IDH3B: variants seen among roughly 807,000 people sequenced by gnomAD.
The protein encoded by IDH3B is isocitrate dehydrogenase [NAD] subunit beta, mitochondrial.
In IDH3B, 40 loss-of-function variants were observed where a neutral mutation model predicts 47.5. The ratio of observed to expected loss-of-function variants is 0.84; its 90% CI spans 0.65 to 1.10. The LOEUF (loss-of-function observed/expected upper bound fraction) is 1.10, where lower values mean the gene tolerates loss of function less well. Ranked by LOEUF, IDH3B falls within the 50% of genes least tolerant of loss-of-function variation. The pLI, the probability that IDH3B is intolerant of heterozygous loss-of-function variation, is 0.00. For synonymous variants in IDH3B, 185 were observed against 191.0 expected (o/e 0.97, Z 0.26); for missense variants, 450 against 505.2 (o/e 0.89, Z 1.05).
intron 4 of IDH3B, among the ~76,000 whole-genome samples, chr20:2,662,687 G>T (rs188568985): frequency 1.3e-5 from 2 of 152,140 alleles, no homozygotes; most frequent in East Asian, 1.9e-4. Context: ...GGGCATGGTG[G>T]CTCACACTTG....
chr20:2,663,524 C>G lies in IDH3B; in HGVS notation c.259G>C (p.Glu87Gln). 1 of 1,614,222 alleles carries G rather than the reference C, an allele frequency of 6.2e-7. No individual in the cohort carries two copies. The highest frequency in any genetic ancestry group is 1.1e-5 in the South Asian group (1 of 91,086). ...TCCTCAGATGCCATATTCTGCACCT[C>G]ACTCAGGTGGTGCTCCTGGAACTCC... ...PVEFQEHHLS[E>Q]VQNMASEEKL... is the part of the protein sequence containing the mutation. The change falls in exon 4 of 12, where the codon GAG becomes CAG. Residue 87 changes from glutamate to glutamine, a missense_variant. Physicochemically the swap from Glu to Gln is conservative, Grantham distance 29. Transcript: ENST00000380843.
chr20:2,663,999 C>T lies in IDH3B; in HGVS notation c.43G>A (p.Val15Ile). 1 of 1,614,152 alleles carries T rather than the reference C, an allele frequency of 6.2e-7. No homozygotes were observed. The highest frequency in any genetic ancestry group is 1.3e-5 in the African/African-American group (1 of 75,060). The part of the protein sequence containing the change: ...SGVRWLTRAL[V>I]SAGNPGAWRG... The stretch of plus-strand genomic sequence containing the variant: ...CATGCCCCAGGGTTCCCGGCGGAGA[C>T]CAGCGCCTGCAACAGGGACACACAA... Residue 15 changes from valine (V) to isoleucine (I), a missense_variant, in exon 2 of 12, where the codon GTC (valine) becomes ATC (isoleucine). Val to Ile is a conservative substitution (Grantham distance 29). Transcript: ENST00000380843.
rs760911554 is a variant in IDH3B at position 2,663,445 on chromosome 20, C to A, written c.337+1G>T. On this transcript the variant is annotated splice_donor_variant, in intron 4 of 11. Transcript: ENST00000380843. LOFTEE classifies it high-confidence loss of function. Reference sequence around the variant, plus strand: ...GACAAGTGGCAAGAGGGCACACATACCAATGATGGCCACTTTGTTCTCCTT... The same window carrying A: ...GACAAGTGGCAAGAGGGCACACATAACAATGATGGCCACTTTGTTCTCCTT... 2.5e-6 allele frequency: 4 copies of A among 1,614,174 alleles called. No individual in the cohort carries two copies. In the South Asian group the frequency reaches 4.4e-5, roughly 18 times the overall value.
Position 2,663,970 on chromosome 20 carries a change from T to C in IDH3B, c.72A>G (p.Arg24=). Residue 24 remains arginine (R), a synonymous_variant, in exon 2 of 12, where the codon AGA becomes AGG. Transcript: ENST00000380843. Reference sequence around the variant, plus strand: ...GCGCCGCGGCCGAGGTACTCAGACCTCTCCATGCCCCAGGGTTCCCGGCGG... The same window carrying C: ...GCGCCGCGGCCGAGGTACTCAGACCCCTCCATGCCCCAGGGTTCCCGGCGG... ...LVSAGNPGAW[R]GLSTSAAAHA... 1.2e-6 allele frequency: 2 copies of C among 1,614,048 alleles called. No homozygotes were observed. Among genetic ancestry groups the C allele is most frequent in the Non-Finnish European group, 1.7e-6 (2 of 1,180,002 alleles).
Position 2,660,637 on chromosome 20 carries a change from A to G in IDH3B, c.532-47T>C, listed in dbSNP as rs377212314. The G allele has an allele frequency of 6.2e-7, 1 of 1,613,974 alleles. No homozygotes were observed. Among genetic ancestry groups the G allele is most frequent in the Non-Finnish European group, 8.5e-7 (1 of 1,180,010 alleles). Reference sequence around the variant, plus strand: ...GCTAGGTGACACTGGGAAGGGAAACAAGGAGCTCCACCTCTCTCCCATCTT... The same window carrying G: ...GCTAGGTGACACTGGGAAGGGAAACGAGGAGCTCCACCTCTCTCCCATCTT... On this transcript the variant is annotated intron_variant, in intron 6 of 11. Coordinates refer to ENST00000380843, the MANE Select transcript of IDH3B (RefSeq NM_006899.5). This position sits in a 1 kb window ranked among gnomAD's most constrained non-coding sequence, Gnocchi z 5.6.
In IDH3B at chr20:2,658,485, T is replaced by C; in HGVS notation, c.*266A>G. 2.5e-6 allele frequency: 4 copies of C among 1,614,022 alleles called. No individual in the cohort carries two copies. The highest frequency in any genetic ancestry group is 2.2e-5 in the East Asian group (1 of 44,886). ...AGCAATGACAGCCTCAGTGAAGTCA[T>C]GGCAAGTAGCATAGCCACCCATGTC... On this transcript the variant is annotated 3_prime_UTR_variant, in exon 12 of 12. Transcript: ENST00000380843.
At chr20:2,659,826 G>A in intron 9 of IDH3B, 33 bp from the exon 10 acceptor site, 2 of 1,535,956 alleles carry the variant, frequency 1.3e-6, no homozygotes, top group Non-Finnish European at 1.8e-6. Flanking sequence ...GACACTGGGA[G>A]GAGGCAGGAG....
chr20:2,658,522 C>A lies in IDH3B; in HGVS notation c.*229G>T, dbSNP rs1028133574. The A allele has an allele frequency of 6.2e-7, 1 of 1,613,904 alleles. No homozygotes were observed. ...TAGCCACCCATGTCAGAGGTTCGAA[C>A]CTGTGGGGGAGAATCATCATCATCC... is the stretch of plus-strand genomic sequence containing the variant. On this transcript the variant is annotated 3_prime_UTR_variant, in exon 12 of 12. Coordinates refer to ENST00000380843, the MANE Select transcript of IDH3B (RefSeq NM_006899.5).
Position 2,660,319 on chromosome 20 carries a change from C to G in IDH3B, c.712G>C (p.Glu238Gln). The change falls in exon 8 of 12, where the codon GAA becomes CAA. Residue 238 changes from glutamate to glutamine, a missense_variant. Glu to Gln is a conservative substitution (Grantham distance 29). Coordinates refer to ENST00000380843, the MANE Select transcript of IDH3B (RefSeq NM_006899.5). This position sits in a 1 kb window ranked among gnomAD's most constrained non-coding sequence, Gnocchi z 5.6. Reference protein sequence around the residue: ...LFLQCCEEVAELYPKIKFETM... With the variant: ...LFLQCCEEVAQLYPKIKFETM... ...TCAAATTTGATTTTGGGGTACAGTTCAGCAACTTCCTCACAGCACTGCAGG... is the reference window on the plus strand; with the variant it reads ...TCAAATTTGATTTTGGGGTACAGTTGAGCAACTTCCTCACAGCACTGCAGG... 6.2e-7 allele frequency: 1 copy of G among 1,614,114 alleles called. No individual in the cohort carries two copies. Among genetic ancestry groups the G allele is most frequent in the Non-Finnish European group, 8.5e-7 (1 of 1,179,992 alleles).
In IDH3B at chr20:2,660,697, C is replaced by T; in HGVS notation, c.531G>A (p.Glu177=). Residue 177 remains glutamate (E), a splice_region_variant and synonymous_variant, in exon 6 of 12, where the codon GAG becomes GAA. Coordinates refer to ENST00000380843, the MANE Select transcript of IDH3B (RefSeq NM_006899.5). The surrounding 1 kb of genome is among the most constrained non-coding windows in gnomAD (Gnocchi z 5.6). ...TEGEYSSLEH[E]SARGVIECLK... ...CCTCCCCCAGTTTCTGGGGCCTCACCTCATGTTCCAGAGAGCTGTACTCCC... is the reference window on the plus strand; with the variant it reads ...CCTCCCCCAGTTTCTGGGGCCTCACTTCATGTTCCAGAGAGCTGTACTCCC... 1.2e-6 allele frequency: 2 copies of T among 1,614,218 alleles called. No individual in the cohort carries two copies. Among genetic ancestry groups the T allele is most frequent in the Non-Finnish European group, 8.5e-7 (1 of 1,180,038 alleles).
rs1239104000 is a variant in IDH3B, at chr20:2,660,038, A to C, written c.907T>G (p.Phe303Val). The C allele has an allele frequency of 6.2e-7, 1 of 1,614,024 alleles. No homozygotes were observed. Residue 303 changes from phenylalanine (F) to valine (V), a missense_variant, in exon 9 of 12, where the codon TTT (phenylalanine) becomes GTT (valine). Phe to Val is a conservative substitution (Grantham distance 50, BLOSUM62 -1). Coordinates refer to ENST00000380843, the MANE Select transcript of IDH3B (RefSeq NM_006899.5). The surrounding 1 kb of genome is among the most constrained non-coding windows in gnomAD (Gnocchi z 5.6). ...GESYSAEYAV[F>V]ETGARHPFAQ... ...GGAGAAAGCAGCCTCACCGTCTCAA[A>C]GACTGCGTATTCTGCACTATAGCTC...
rs1485554142 is a variant in IDH3B, at chr20:2,663,475, G to T, written c.308C>A (p.Ser103Tyr). Residue 103 changes from serine to tyrosine, a missense_variant, in exon 4 of 12, where the codon TCC becomes TAC. Transcript: ENST00000380843. ...GATGGCCACTTTGTTCTCCTTCATG[G>T]AACTCAGCACCTGCTCCAGCTTCTC... ...SEEKLEQVLS[S>Y]MKENKVAIIG... 7.4e-6 allele frequency: 12 copies of T among 1,614,212 alleles called. No individual in the cohort carries two copies. Among genetic ancestry groups the T allele is most frequent in the Non-Finnish European group, 1.0e-5 (12 of 1,180,032 alleles).
In IDH3B at chr20:2,659,676, G is replaced by A. The variant is rs373229620; in HGVS notation, c.1010+23C>T. On this transcript the variant is annotated intron_variant, in intron 10 of 11. Transcript: ENST00000380843. ...CTCCTCCTCACGACACCCAACCTCT[G>A]CCGACAGCCTCCCATGACCTACTTA... The A allele has an allele frequency of 5.6e-6, 9 of 1,611,432 alleles. No individual in the cohort carries two copies. The African/African-American group carries it at 8.0e-5, about 14-fold the overall frequency.
At chr20:2,659,848 G>T in intron 9 of IDH3B, 55 bp from the exon 10 acceptor site, 1 of 1,477,258 alleles carries the variant, frequency 6.8e-7, no homozygotes, top group Non-Finnish European at 9.5e-7. Flanking sequence ...GGTATGCAGA[G>T]GCTTAGGTTG....
At chr20:2,662,760 C>G (rs888936647) in intron 4 of IDH3B, among the ~76,000 whole-genome samples, 3 of 152,180 alleles carry the variant, frequency 2.0e-5, no homozygotes, top group Admixed American at 2.0e-4. Flanking sequence ...CGAGACCAGC[C>G]TGACCAACAT....
At chr20:2,659,500 G>T in intron 11 of IDH3B, 25 bp downstream of exon 11, 1 of 1,611,688 alleles carries the variant, frequency 6.2e-7, no homozygotes, top group Non-Finnish European at 8.5e-7. Context: ...AAATCCTGAA[G>T]CCAGCACTAC....
In IDH3B at chr20:2,660,915, C is replaced by G; in HGVS notation, c.392G>C (p.Arg131Pro). Residue 131 changes from arginine to proline, a missense_variant, in exon 5 of 12, where the codon CGG becomes CCG. Transcript: ENST00000380843. This position sits in a 1 kb window ranked among gnomAD's most constrained non-coding sequence, Gnocchi z 5.6. ...CCCCACCCAGACCACCTACCTCAGC[C>G]GCATATCATAGGAGGCTAGCTCCCC... ...YKGELASYDM[R>P]LRRKLDLFAN... is the part of the protein sequence containing the mutation. 1 of 1,614,120 alleles carries G rather than the reference C, an allele frequency of 6.2e-7. No homozygotes were observed. Among genetic ancestry groups the G allele is most frequent in the Non-Finnish European group, 8.5e-7 (1 of 1,180,020 alleles).
At position 2,658,659 on chromosome 20, in the gene IDH3B, ACTG is replaced by A. The variant is rs760131166; in HGVS notation, c.*89_*91del. 6.1e-5 allele frequency: 99 copies of A among 1,613,886 alleles called. No individual in the cohort carries two copies. The highest frequency in any genetic ancestry group is 1.6e-4 in the Middle Eastern group (1 of 6,084). On this transcript the variant is annotated 3_prime_UTR_variant, in exon 12 of 12. Coordinates refer to ENST00000380843, the MANE Select transcript of IDH3B (RefSeq NM_006899.5). ...CTACCCAGCAAGGTGACCATGGTCC[ACTG>A]CTTAGAGGCACAAGGTCTCTTCCCT...
Position 2,659,600 on chromosome 20 carries a change from A to G in IDH3B, c.1011-15T>C, listed in dbSNP as rs1312048951. 6.2e-7 allele frequency: 1 copy of G among 1,614,048 alleles called. No individual in the cohort carries two copies. The stretch of plus-strand genomic sequence containing the variant: ...GATACTCAAGACTGTGGATATGGAC[A>G]GGAAGAAACTGTGACTCCCCCAAGA... On this transcript the variant is annotated splice_polypyrimidine_tract_variant and intron_variant, in intron 10 of 11. Transcript: ENST00000380843.
Sources: gnomAD v4.1 joint callset for allele counts (sites outside exome capture counted in the v4.1 genomes callset) on GRCh38, gnomAD v4.1.1 for gene constraint, Gnocchi (gnomAD v3.1) non-coding constraint, MANE v1.5 for transcripts, NCBI Gene and HGNC (gene_info 2026-07-23, HGNC 2026-07-21) for gene names.